The following SERPINB11 variants were observed in gnomAD, a reference collection of about 807,000 sequenced individuals.
SERPINB11 encodes serpin B11.
A neutral mutation model predicts 36.7 loss-of-function variants in SERPINB11; 32 were observed. That is an observed-to-expected ratio of 0.87 (90% CI 0.66 to 1.17). The LOEUF is 1.17. Ranked by LOEUF, SERPINB11 falls within the 50% of genes most tolerant of loss-of-function variation. The probability of loss-of-function intolerance (pLI) is 0.00; values close to 1 mark genes in which losing one functional copy is unlikely to be tolerated. For missense variants in SERPINB11, 528 were observed against 458.4 expected, an observed-to-expected ratio of 1.15 and a Z score of -1.39; for synonymous variants, 174 against 168.1, an observed-to-expected ratio of 1.04 and a Z score of -0.27.
chr18:63,718,824 T>G (rs1479914473), intron 5 of SERPINB11, among the ~76,000 whole-genome samples: 1 of 151,336 alleles, frequency 6.6e-6, no homozygotes, highest in African/African-American at 2.4e-5. Flanking sequence ...TTATATTATT[T>G]GTATTAAGTC....
At chr18:63,709,660 A>C (rs551427182) in intron 1 of SERPINB11, among the ~76,000 whole-genome samples, 1 of 151,798 alleles carries the variant, frequency 6.6e-6, no homozygotes, top group Non-Finnish European at 1.5e-5. Flanking sequence ...AGTAAAATAA[A>C]AATAAAAAAT....
rs1598962509 is a variant in SERPINB11, at chr18:63,712,479, AC to A, written c.229-85del. ...TCACAGCCCTTTTATTCAGAGGCAAACACCTTGCTCTCTAGATAGTTATCAT... is the reference window on the plus strand; with the variant it reads ...TCACAGCCCTTTTATTCAGAGGCAAAACCTTGCTCTCTAGATAGTTATCAT... On this transcript the variant is annotated intron_variant, in intron 3 of 7. Transcript: ENST00000544088. 4 of 1,435,576 alleles carry A rather than the reference AC, an allele frequency of 2.8e-6. No individual in the cohort carries two copies. In the East Asian group the frequency reaches 9.2e-5, roughly 33 times the overall value. 88.9% of individuals were successfully genotyped at this position (1,435,576 alleles called of 1,614,324 possible). A position where few individuals can be genotyped will look rare whatever the true frequency, so the allele number is the denominator to read the frequency against.
At chr18:63,707,397 T>C (rs1914398903) in intron 1 of SERPINB11, among the ~76,000 whole-genome samples, 1 of 152,206 alleles carries the variant, frequency 6.6e-6, no homozygotes, top group Non-Finnish European at 1.5e-5. Flanking sequence ...CTCTGATTTC[T>C]CATCAAGGGG....
chr18:63,709,959 G>A (rs1292217206), intron 1 of SERPINB11, among the ~76,000 whole-genome samples: 2 of 152,178 alleles, frequency 1.3e-5, no homozygotes, highest in African/African-American at 4.8e-5. Context: ...TTAACCATTG[G>A]CTGAAGGAAT....
intron 2 of SERPINB11, 88 bp downstream of exon 2, chr18:63,710,449 C>A (rs993305143): frequency 3.8e-6 from 4 of 1,066,452 alleles, no homozygotes; most frequent in African/African-American, 1.6e-5. Flanking sequence ...ATCTTTATAC[C>A]AATAAAATTG....
At chr18:63,714,359 G>A (rs547439044) in intron 4 of SERPINB11, among the ~76,000 whole-genome samples, 28 of 152,206 alleles carry the variant, frequency 1.8e-4, no homozygotes, top group African/African-American at 6.3e-4. Flanking sequence ...ATGAAGTTTC[G>A]GGCATGCATT....
rs745885745 is a variant in SERPINB11, at chr18:63,723,276, C to A, written c.1056C>A (p.Asp352Glu). 1 of 1,613,872 alleles carries A rather than the reference C, an allele frequency of 6.2e-7. No homozygotes were observed. The highest frequency in any genetic ancestry group is 2.2e-5 in the East Asian group (1 of 44,898). ...EGTEAAAATG[D>E]SIAVKSLPMR... is the part of the protein sequence containing the mutation. ...CGGAGGCAGCAGCAGCCACTGGGGA[C>A]AGCATCGCTGTAAAAAGCCTACCAA... Residue 352 changes from aspartate (D) to glutamate (E), a missense_variant, in exon 8 of 8, where the codon GAC becomes GAA. By Grantham distance (45) the Asp-to-Glu change is conservative. Coordinates refer to ENST00000544088, the MANE Select transcript of SERPINB11 (RefSeq NM_001370475.1).
intron 1 of SERPINB11, among the ~76,000 whole-genome samples, chr18:63,703,455 A>G (rs182790258): frequency 2.6e-5 from 4 of 152,296 alleles, no homozygotes; most frequent in African/African-American, 9.6e-5. Flanking sequence ...TTATAGCTTT[A>G]AAATTAGTCT....
intron 1 of SERPINB11, among the ~76,000 whole-genome samples, chr18:63,707,269 G>A (rs1365984179): frequency 6.6e-6 from 1 of 152,126 alleles, no homozygotes. Context: ...CATGCTGTCT[G>A]GGGAGAGAGA....
In SERPINB11 at chr18:63,710,208, C is replaced by T. The variant is rs747188779; in HGVS notation, c.15C>T (p.Ser5=). 4.3e-6 allele frequency: 7 copies of T among 1,609,746 alleles called. No individual in the cohort carries two copies. In the Admixed American group the frequency reaches 6.7e-5, roughly 16 times the overall value. The change falls in exon 2 of 8, where the codon AGC becomes AGT. Residue 5 remains serine, a synonymous_variant. Coordinates refer to ENST00000544088, the MANE Select transcript of SERPINB11 (RefSeq NM_001370475.1). MGSL[S]TANVEFCLDV... ...TCGGCATAAAAATGGGTTCTCTCAG[C>T]ACAGCTAACGTTGAATTTTGCCTTG...
rs1230087588 is a variant in SERPINB11 at position 63,719,697 on chromosome 18, A to G, written c.476-316A>G. On this transcript the variant is annotated intron_variant, in intron 5 of 7. Transcript: ENST00000544088. Reference sequence around the variant, plus strand: ...AAAGTAAGCCACAAGAAATGATTACATAATATCTAAATAAGCAGTGATGTA... The same window carrying G: ...AAAGTAAGCCACAAGAAATGATTACGTAATATCTAAATAAGCAGTGATGTA... Among the ~76,000 whole-genome samples, 3 of 152,150 alleles carry G rather than the reference A, an allele frequency of 2.0e-5. No individual in the cohort carries two copies. In the East Asian group the frequency reaches 5.8e-4, roughly 29 times the overall value.
intron 6 of SERPINB11, 49 bp from the exon 7 acceptor site, chr18:63,720,782 A>T (rs1356586841): frequency 2.2e-6 from 3 of 1,352,650 alleles, no homozygotes; most frequent in Non-Finnish European, 3.1e-6. Context: ...GTACACACAC[A>T]TGTGCACTCA....
At chr18:63,702,619 A>G (rs1173462859), upstream of SERPINB11, among the ~76,000 whole-genome samples, 3 of 152,122 alleles carry the variant, frequency 2.0e-5, no homozygotes, top group African/African-American at 7.2e-5. Context: ...CACTTCTCTG[A>G]AAAGCACTGG....
At chr18:63,703,282 C>G (rs1914286889) in intron 1 of SERPINB11, among the ~76,000 whole-genome samples, 1 of 152,180 alleles carries the variant, frequency 6.6e-6, no homozygotes, top group Non-Finnish European at 1.5e-5. Flanking sequence ...ATATTTTCTA[C>G]TTACTAATCT....
chr18:63,715,506 AC>A (rs1438978349), intron 4 of SERPINB11, among the ~76,000 whole-genome samples: 1 of 152,232 alleles, frequency 6.6e-6, no homozygotes, highest in Non-Finnish European at 1.5e-5. Flanking sequence ...TTCACACTTT[AC>A]ATAAATTTGA....
chr18:63,712,788 T>C (rs1914563791), intron 4 of SERPINB11, 95 bp downstream of exon 4: 2 of 1,324,722 alleles, frequency 1.5e-6, no homozygotes, highest in Admixed American at 1.9e-5. Context: ...TCACATGACA[T>C]TTATCATTAA....
chr18:63,714,434 A>G (rs534539994), intron 4 of SERPINB11, among the ~76,000 whole-genome samples: 10 of 152,228 alleles, frequency 6.6e-5, no homozygotes, highest in African/African-American at 1.9e-4. Flanking sequence ...ACTAAAATTT[A>G]CTAGTCAGGA....
rs755055984 is a variant in SERPINB11 at position 63,716,131 on chromosome 18, T to C, written c.454T>C (p.Trp152Arg). 4 of 1,605,394 alleles carry C rather than the reference T, an allele frequency of 2.5e-6. No individual in the cohort carries two copies. Among genetic ancestry groups the C allele is most frequent in the Non-Finnish European group, 2.6e-6 (3 of 1,173,694 alleles). The change falls in exon 5 of 8, where the codon TGG (tryptophan) becomes CGG (arginine). Residue 152 changes from tryptophan (W) to arginine (R), a missense_variant. Physicochemically the swap from Trp to Arg is moderately radical, Grantham distance 101. Coordinates refer to ENST00000544088, the MANE Select transcript of SERPINB11 (RefSeq NM_001370475.1). ...TEETRKTINA[W>R]VENKTNGKVA... The stretch of plus-strand genomic sequence containing the variant: ...AGAAACGAGGAAAACGATTAATGCT[T>C]GGGTTGAAAATAAAACTAATGGTAA...
chr18:63,710,561 A>G (rs1436674700), intron 2 of SERPINB11, among the ~76,000 whole-genome samples, 200 bp downstream of exon 2: 1 of 152,258 alleles, frequency 6.6e-6, no homozygotes, highest in Non-Finnish European at 1.5e-5. Context: ...ATGTAATACA[A>G]GCAACGTGTG....
Sources: allele counts gnomAD v4.1 joint callset (sites outside exome capture counted in the v4.1 genomes callset), GRCh38; gene constraint gnomAD v4.1.1; transcripts MANE v1.5; gene names NCBI Gene and HGNC (gene_info 2026-07-23, HGNC 2026-07-21).